Variants in OGDH observed in about 807,000 individuals in gnomAD.
The protein encoded by OGDH is 2-oxoglutarate dehydrogenase complex component E1.
A neutral mutation model predicts 116.6 loss-of-function variants in OGDH; 38 were observed. The ratio of observed to expected loss-of-function variants is 0.33; its 90% confidence interval spans 0.25 to 0.43. The LOEUF is 0.43. Among genes scored for constraint, OGDH ranks in the 20% least tolerant of loss-of-function variants. The probability of loss-of-function intolerance (pLI) is 1.00; values close to 1 mark genes in which losing one functional copy is unlikely to be tolerated. For missense variants in OGDH, 825 were observed against 1,357.2 expected (o/e 0.61, Z 6.16); for synonymous variants, 488 against 533.3 (o/e 0.92, Z 1.17).
At chr7:44,607,346 T>G (rs960148245) in intron 1 of OGDH, among the ~76,000 whole-genome samples, 2 of 152,202 alleles carry the variant, frequency 1.3e-5, no homozygotes, top group African/African-American at 2.4e-5. Context: ...GGATATGAGT[T>G]GTAATCTACT....
At chr7:44,609,287 G>A (rs949537354) in intron 1 of OGDH, among the ~76,000 whole-genome samples, 1 of 145,308 alleles carries the variant, frequency 6.9e-6, no homozygotes, top group African/African-American at 2.5e-5. Flanking sequence ...CAGGCAGATC[G>A]CTTGAGCCCC....
chr7:44,630,216 ATGGTAC>A (rs1785378925), intron 2 of OGDH, among the ~76,000 whole-genome samples: 1 of 152,346 alleles, frequency 6.6e-6, no homozygotes, highest in South Asian at 2.1e-4. Flanking sequence ...AAATAGGACT[ATGGTAC>A]CCATGGTTGT....
intron 2 of OGDH, among the ~76,000 whole-genome samples, chr7:44,635,098 A>G (rs1483754057): frequency 5.9e-5 from 9 of 152,144 alleles, no homozygotes; most frequent in Non-Finnish European, 2.9e-5. Context: ...TGTGCAGGAA[A>G]AGAATGAGTT....
At chr7:44,702,740 C>T (rs112505699) in intron 20 of OGDH, among the ~76,000 whole-genome samples, 3,434 of 152,140 alleles carry the variant, frequency 0.023, 121 homozygotes, top group African/African-American at 0.079. Context: ...CTGCAGGCGC[C>T]CGCCACCACG....
At chr7:44,634,042 C>T (rs1474896624) in intron 2 of OGDH, among the ~76,000 whole-genome samples, 1 of 152,206 alleles carries the variant, frequency 6.6e-6, no homozygotes, top group Non-Finnish European at 1.5e-5. Context: ...TGTCTCATGA[C>T]TCTGTGGGTT....
At chr7:44,666,271 CCA>C (rs1178393513) in intron 4 of OGDH, among the ~76,000 whole-genome samples, 2 of 152,172 alleles carry the variant, frequency 1.3e-5, no homozygotes, top group African/African-American at 4.8e-5. Flanking sequence ...TTGACATTCA[CCA>C]CATACATATA....
At chr7:44,641,846 A>G (rs1169324825) in intron 2 of OGDH, among the ~76,000 whole-genome samples, 3 of 152,254 alleles carry the variant, frequency 2.0e-5, no homozygotes. Context: ...ATTTGTGCAC[A>G]GCCACCTTTT....
intron 4 of OGDH, among the ~76,000 whole-genome samples, chr7:44,654,235 G>A (rs1333831961): frequency 1.3e-5 from 2 of 152,178 alleles, no homozygotes; most frequent in Admixed American, 6.5e-5. Flanking sequence ...AAGAAAGTGT[G>A]AAACTTCTCT....
At chr7:44,631,901 A>G (rs3757566) in intron 2 of OGDH, among the ~76,000 whole-genome samples, 47,054 of 151,534 alleles carry the variant, frequency 0.31, 8,623 homozygotes, top group Non-Finnish European at 0.41. Context: ...AAATAAAAAC[A>G]TTTGGAATTC....
chr7:44,656,290 A>G, intron 4 of OGDH: 1 of 1,535,480 alleles, frequency 6.5e-7, no homozygotes, highest in East Asian at 2.4e-5. Context: ...TTCTGCGCTC[A>G]CCCATGATAC....
chr7:44,687,317 T>G (rs919023723), intron 10 of OGDH, among the ~76,000 whole-genome samples: 1 of 150,824 alleles, frequency 6.6e-6, no homozygotes, highest in Non-Finnish European at 1.5e-5. Context: ...AGATTGGTCT[T>G]GAACTCCTGA....
Position 44,631,064 on chromosome 7 carries a change from T to C in OGDH, c.222+6499T>C, listed in dbSNP as rs572434625. Among the ~76,000 whole-genome samples the C allele has an allele frequency of 6.4e-4, 97 of 152,228 alleles. 1 individual carries two copies. Among genetic ancestry groups the C allele is most frequent in the African/African-American group, 2.2e-3 (93 of 41,534 alleles). On this transcript the variant is annotated intron_variant, in intron 2 of 22. Coordinates refer to ENST00000222673, the MANE Select transcript of OGDH (RefSeq NM_002541.4). ...CAGTTCCAAACAGGCCACTGACCAG[T>C]ACTGGTCTGTGGCCCGGGGGTTGGG... is the stretch of plus-strand genomic sequence containing the variant.
At chr7:44,673,740 A>G (rs765141836) in intron 5 of OGDH, 47 bp from the exon 6 acceptor site, 1 of 1,601,172 alleles carries the variant, frequency 6.2e-7, no homozygotes, top group Non-Finnish European at 8.6e-7. Flanking sequence ...TCATTCAGCC[A>G]GGCCTGGTTA....
At chr7:44,626,338 C>CCT (rs1562619966) in intron 2 of OGDH, among the ~76,000 whole-genome samples, 15 of 35,232 alleles carry the variant, frequency 4.3e-4, no homozygotes, top group South Asian at 1.4e-3. Context: ...CACACCCCTA[C>CCT]ACACACACAC....
chr7:44,629,124 ACAGT>A (rs553888516), intron 2 of OGDH, among the ~76,000 whole-genome samples: 211 of 152,374 alleles, frequency 1.4e-3, no homozygotes, highest in African/African-American at 4.3e-3. Flanking sequence ...TCTTTAAGAC[ACAGT>A]CAGAGCTAAG....
At chr7:44,701,848 G>C (rs1443572439) in intron 20 of OGDH, among the ~76,000 whole-genome samples, 1 of 152,148 alleles carries the variant, frequency 6.6e-6, no homozygotes, top group Admixed American at 6.6e-5. Flanking sequence ...TTCGAGGGCA[G>C]ATCACCTGAG....
chr7:44,676,898 G>C (rs1009337664), intron 9 of OGDH, among the ~76,000 whole-genome samples: 1 of 152,148 alleles, frequency 6.6e-6, no homozygotes, highest in Non-Finnish European at 1.5e-5. Flanking sequence ...TGTCAGGAGA[G>C]TCATGCTTGC....
At chr7:44,633,252 C>CAAAAA (rs1163808681) in intron 2 of OGDH, among the ~76,000 whole-genome samples, 3 of 81,680 alleles carry the variant, frequency 3.7e-5, no homozygotes, top group Admixed American at 1.5e-4. Flanking sequence ...GACTCTGTGT[C>CAAAAA]AAAAAAAAAA....
chr7:44,707,168 A>G lies in OGDH; in HGVS notation c.2633-57A>G. On this transcript the variant is annotated intron_variant, in intron 20 of 22. Transcript: ENST00000222673. This position sits in a 1 kb window ranked among gnomAD's most constrained non-coding sequence, Gnocchi z 5.2. ...TCCCTGGCACAGCCCTGGGCCCAGG[A>G]GAGCTCTCAGCCACATACCTGAGAG... 2 of 1,584,422 alleles carry G rather than the reference A, an allele frequency of 1.3e-6. No individual in the cohort carries two copies. Among genetic ancestry groups the G allele is most frequent in the Non-Finnish European group, 1.7e-6 (2 of 1,159,614 alleles).
Sources: gnomAD v4.1 joint callset for allele counts (sites outside exome capture counted in the v4.1 genomes callset) on GRCh38, gnomAD v4.1.1 for gene constraint, Gnocchi (gnomAD v3.1) non-coding constraint, MANE v1.5 for transcripts, NCBI Gene and HGNC (gene_info 2026-07-23, HGNC 2026-07-21) for gene names.